Variants in PPP6C observed in about 807,000 individuals in gnomAD.
The protein encoded by PPP6C is protein phosphatase 6 catalytic subunit.
In PPP6C, 11 loss-of-function variants were observed where a neutral mutation model predicts 39.8. The ratio of observed to expected loss-of-function variants is 0.28; its 90% CI spans 0.17 to 0.46. The LOEUF (loss-of-function observed/expected upper bound fraction) is 0.46. PPP6C is among the 20% of genes least tolerant of loss of function. The pLI is 1.00. For missense variants in PPP6C, 211 were observed against 373.9 expected, an observed-to-expected ratio of 0.56 and a Z score of 3.59; for synonymous variants, 129 against 130.3, an observed-to-expected ratio of 0.99 and a Z score of 0.07.
chr9:125,171,470 C>CATAT (rs1348478199), intron 1 of PPP6C, among the ~76,000 whole-genome samples: 5 of 24,692 alleles, frequency 2.0e-4, no homozygotes, highest in East Asian at 2.0e-3. Context: ...TACACACACA[C>CATAT]ACACACACAT....
At chr9:125,186,970 G>A (rs1176744918) in intron 1 of PPP6C, among the ~76,000 whole-genome samples, 15 of 118,144 alleles carry the variant, frequency 1.3e-4, no homozygotes, top group South Asian at 2.7e-4. Flanking sequence ...TTGGTGAGAC[G>A]GAGTCTCCCT....
intron 1 of PPP6C, among the ~76,000 whole-genome samples, chr9:125,184,652 G>A (rs1033265831): frequency 1.3e-5 from 2 of 151,818 alleles, no homozygotes; most frequent in African/African-American, 4.8e-5. Context: ...TCACATACAG[G>A]GCAGTGTTCT....
intron 1 of PPP6C, 107 bp downstream of exon 1, chr9:125,189,537 C>A (rs894370703): frequency 1.9e-6 from 3 of 1,544,926 alleles, no homozygotes; most frequent in Non-Finnish European, 2.6e-6. Flanking sequence ...TGGGGGAGGC[C>A]CTCCACCGCG....
chr9:125,172,739 AC>A (rs1829201640), intron 1 of PPP6C, among the ~76,000 whole-genome samples: 1 of 144,592 alleles, frequency 6.9e-6, no homozygotes, highest in Non-Finnish European at 1.5e-5. Context: ...ACACACACAC[AC>A]ACACACACAC....
At chr9:125,162,652 A>G (rs555853328) in intron 2 of PPP6C, among the ~76,000 whole-genome samples, 2 of 148,436 alleles carry the variant, frequency 1.3e-5, no homozygotes, top group African/African-American at 5.0e-5. Flanking sequence ...GGCACCTGTA[A>G]TCAATCCCTG....
chr9:125,179,214 T>TTAAAAAAAAAAAA (rs1564157637), intron 1 of PPP6C, among the ~76,000 whole-genome samples: 4 of 44,812 alleles, frequency 8.9e-5, no homozygotes, highest in Admixed American at 2.1e-4. Flanking sequence ...AAACTCCATC[T>TTAAAAAAAAAAAA]CAAAAAAAAA....
Position 125,189,738 on chromosome 9 carries a change from G to GGCAACAGCGGCGGCGGCGGCT in PPP6C, c.-41_-21dup. 6.4e-7 allele frequency: 1 copy of GGCAACAGCGGCGGCGGCGGCT among 1,563,422 alleles called. No homozygotes were observed. Among genetic ancestry groups the GGCAACAGCGGCGGCGGCGGCT allele is most frequent in the Middle Eastern group, 1.7e-4 (1 of 5,760 alleles). The stretch of plus-strand genomic sequence containing the variant: ...CGCCATTTTAAGAATAACAAGCCGC[G>GGCAACAGCGGCGGCGGCGGCT]GCAACAGCGGCGGCGGCGGCTGTAG... On this transcript the variant is annotated 5_prime_UTR_variant, in exon 1 of 7. Coordinates refer to ENST00000373547, the MANE Select transcript of PPP6C (RefSeq NM_002721.5).
chr9:125,183,219 A>G (rs996749237), intron 1 of PPP6C, among the ~76,000 whole-genome samples: 3 of 152,082 alleles, frequency 2.0e-5, no homozygotes, highest in African/African-American at 4.8e-5. Context: ...TCAGACTCTC[A>G]TATCACCGGG....
intron 2 of PPP6C, among the ~76,000 whole-genome samples, chr9:125,165,644 T>C (rs1006584547): frequency 5.9e-5 from 9 of 152,256 alleles, no homozygotes; most frequent in South Asian, 2.1e-4. Context: ...CACAAAGATA[T>C]GCAGTTACAA....
chr9:125,188,594 T>G (rs1372950980), intron 1 of PPP6C, among the ~76,000 whole-genome samples: 1 of 151,992 alleles, frequency 6.6e-6, no homozygotes, highest in Non-Finnish European at 1.5e-5. Context: ...AAGACCAGCC[T>G]GGCCAACATG....
At chr9:125,187,320 C>T (rs975682193) in intron 1 of PPP6C, among the ~76,000 whole-genome samples, 19 of 151,608 alleles carry the variant, frequency 1.3e-4, no homozygotes, top group Admixed American at 1.1e-3. Flanking sequence ...GCTCTGTCTC[C>T]CAGGCTGGAG....
chr9:125,154,694 T>C (rs1395787851), intron 4 of PPP6C, among the ~76,000 whole-genome samples: 1 of 152,210 alleles, frequency 6.6e-6, no homozygotes, highest in Non-Finnish European at 1.5e-5. Flanking sequence ...TCTAGCAGGA[T>C]AAACAGATCA....
chr9:125,152,773 T>C (rs1174240743), intron 6 of PPP6C, among the ~76,000 whole-genome samples: 1 of 150,950 alleles, frequency 6.6e-6, no homozygotes. Context: ...GAGGTTGCAG[T>C]GAGCCGAGAT....
intron 1 of PPP6C, among the ~76,000 whole-genome samples, chr9:125,185,735 A>G (rs1829515585): frequency 6.6e-6 from 1 of 151,832 alleles, no homozygotes; most frequent in African/African-American, 2.4e-5. Flanking sequence ...CTATAATCCC[A>G]GCACTTTGGG....
At chr9:125,183,573 TAA>T (rs1829462842) in intron 1 of PPP6C, among the ~76,000 whole-genome samples, 1 of 152,192 alleles carries the variant, frequency 6.6e-6, no homozygotes, top group Admixed American at 6.6e-5. Context: ...AATCTAAGTT[TAA>T]CAGCCTACTC....
chr9:125,162,579 C>T (rs1268615213), intron 2 of PPP6C, among the ~76,000 whole-genome samples: 3 of 151,062 alleles, frequency 2.0e-5, no homozygotes, highest in African/African-American at 7.3e-5. Context: ...CAAGACCAGA[C>T]TGGCCAACAT....
chr9:125,158,000 T>A lies in PPP6C; in HGVS notation c.379+241A>T, dbSNP rs78503068. ...CACCCCACCCGGCCGGCAATCTACA[T>A]TTTTAATGAGAACCCAGGTGATTCC... On this transcript the variant is annotated intron_variant, in intron 4 of 6. Transcript: ENST00000373547. Among the ~76,000 whole-genome samples the A allele has an allele frequency of 1.7e-4, 26 of 152,170 alleles. No homozygotes were observed. In the East Asian group the frequency reaches 5.0e-3, roughly 29 times the overall value.
chr9:125,153,109 C>T (rs902612682), intron 6 of PPP6C, among the ~76,000 whole-genome samples: 1 of 151,538 alleles, frequency 6.6e-6, no homozygotes, highest in Non-Finnish European at 1.5e-5. Flanking sequence ...CCCATCTCTA[C>T]TAAGAATACA....
At chr9:125,150,076 C>T (rs1455994092) in intron 6 of PPP6C, among the ~76,000 whole-genome samples, 155 bp from the exon 7 acceptor site, 1 of 152,150 alleles carries the variant, frequency 6.6e-6, no homozygotes, top group Admixed American at 6.5e-5. Context: ...TAAGTTTAGG[C>T]AAACAGCAAT....
Sources: gnomAD v4.1 joint callset for allele counts (sites outside exome capture counted in the v4.1 genomes callset) on GRCh38, gnomAD v4.1.1 for gene constraint, MANE v1.5 for transcripts, NCBI Gene and HGNC (gene_info 2026-07-23, HGNC 2026-07-21) for gene names.